CKAP4: variants seen among roughly 807,000 people sequenced by gnomAD.
The protein encoded by CKAP4 is cytoskeleton-associated protein 4.
In CKAP4, 20 loss-of-function variants were observed where a neutral mutation model predicts 24.4. The ratio of observed to expected loss-of-function variants is 0.82; its 90% CI spans 0.58 to 1.19. The LOEUF is 1.19. CKAP4 is among the 50% of genes most tolerant of loss of function. The pLI is 0.00. For synonymous variants in CKAP4, 378 were observed against 351.7 expected (o/e 1.07, Z -0.84); for missense variants, 744 against 765.3 (o/e 0.97, Z 0.33).
Position 106,247,024 on chromosome 12 carries a change from T to C in CKAP4, c.483+345A>G, listed in dbSNP as rs978743465. 1.3e-5 allele frequency: 3 copies of C among 223,354 alleles called. No individual in the cohort carries two copies. The highest frequency in any genetic ancestry group is 6.8e-5 in the African/African-American group (3 of 44,010). The allele number at this position is 223,354 out of a possible 1,614,324, so 13.8% of individuals were successfully genotyped here. On this transcript the variant is annotated intron_variant, in intron 1 of 1. Transcript: ENST00000378026. This position sits in a 1 kb window ranked among gnomAD's most constrained non-coding sequence, Gnocchi z 4.5. ...TCAGCGGTTCCTAATGCAGAAAGAATGGGCTCCCCGGAGCCTGCCGGCTTC... is the reference window on the plus strand; with the variant it reads ...TCAGCGGTTCCTAATGCAGAAAGAACGGGCTCCCCGGAGCCTGCCGGCTTC...
chr12:106,243,589 C>A (rs1376574768), intron 1 of CKAP4, among the ~76,000 whole-genome samples: 1 of 152,238 alleles, frequency 6.6e-6, no homozygotes, highest in Non-Finnish European at 1.5e-5. Context: ...CAGGGCAACA[C>A]AGGCTCTTCA....
chr12:106,240,302 T>G lies in CKAP4; in HGVS notation c.531A>C (p.Arg177Ser), dbSNP rs985592361. The change falls in exon 2 of 2, where the codon AGA becomes AGC. Residue 177 changes from arginine to serine, a missense_variant. This residue lies in a region of CKAP4 where 300 missense variants were observed against 264.5 expected (regional missense o/e 1.13). Transcript: ENST00000378026. The stretch of plus-strand genomic sequence containing the variant: ...TGAGGTCTTGTTTATGTTGGGAGCT[T>G]CTCAAGATGGACTCAAAAGTTCCAA... ...ATFGTFESIL[R>S]SSQHKQDLTE... 1 of 1,614,072 alleles carries G rather than the reference T, an allele frequency of 6.2e-7. No individual in the cohort carries two copies. The highest frequency in any genetic ancestry group is 8.5e-7 in the Non-Finnish European group (1 of 1,179,960).
rs1200403206 is a variant in CKAP4 at position 106,239,715 on chromosome 12, A to G, written c.1118T>C (p.Leu373Pro). The stretch of plus-strand genomic sequence containing the variant: ...CTTCAGCTGGCGGAGCTCTTCCTCC[A>G]GTCTCCGGATCTCCTCCGGGAGGCG... ...VSRLPEEIRR[L>P]EEELRQLKSD... The change falls in exon 2 of 2, where the codon CTG becomes CCG. Residue 373 changes from leucine to proline, a missense_variant. By Grantham distance (98) the Leu-to-Pro change is moderately conservative. This residue lies in a region of CKAP4 where 401 missense variants were observed against 424.5 expected (regional missense o/e 0.94). Transcript: ENST00000378026. This position sits in a 1 kb window ranked among gnomAD's most constrained non-coding sequence, Gnocchi z 4.9. 6.2e-7 allele frequency: 1 copy of G among 1,613,986 alleles called. No individual in the cohort carries two copies. Among genetic ancestry groups the G allele is most frequent in the African/African-American group, 1.3e-5 (1 of 75,034 alleles).
chr12:106,247,074 GTGACAGGCCCTTGGCCCACCCTGCC>G lies in CKAP4; in HGVS notation c.483+270_483+294del, dbSNP rs1295523319. 2.8e-6 allele frequency: 1 copy of G among 357,820 alleles called. No homozygotes were observed. Among genetic ancestry groups the G allele is most frequent in the African/African-American group, 2.1e-5 (1 of 46,798 alleles). 22.2% of individuals were successfully genotyped at this position (357,820 alleles called of 1,614,324 possible). On this transcript the variant is annotated intron_variant, in intron 1 of 1. Transcript: ENST00000378026. The surrounding 1 kb of genome is among the most constrained non-coding windows in gnomAD (Gnocchi z 4.5). Reference sequence around the variant, plus strand: ...CCTTACAGGTCACCGCTAATGCCCTGTGACAGGCCCTTGGCCCACCCTGCCAGGCGGGCCTGGGCATCCTCGCGGC... The same window carrying G: ...CCTTACAGGTCACCGCTAATGCCCTGAGGCGGGCCTGGGCATCCTCGCGGC...
intron 1 of CKAP4, among the ~76,000 whole-genome samples, chr12:106,241,239 GAGT>G (rs2136534875): frequency 6.6e-6 from 1 of 152,214 alleles, no homozygotes; most frequent in Non-Finnish European, 1.5e-5. Flanking sequence ...ACAGGGAAAG[GAGT>G]ACAAAGGGAA....
At chr12:106,245,886 C>T (rs2034005674) in intron 1 of CKAP4, among the ~76,000 whole-genome samples, 2 of 152,042 alleles carry the variant, frequency 1.3e-5, no homozygotes, top group Non-Finnish European at 2.9e-5. Flanking sequence ...TGAGCCACCA[C>T]GCCCGGCCGT....
chr12:106,239,270 G>A lies in CKAP4; in HGVS notation c.1563C>T (p.Ala521=), dbSNP rs114007031. 1.6e-3 allele frequency: 2,583 copies of A among 1,613,264 alleles called. 33 individuals carry two copies. In the African/African-American group the frequency reaches 0.028, roughly 18 times the overall value. ...GGAAGTCCTGAGGAGGCAGACGGGC[G>A]GCCTGGGCTTGGTCCTGACTGAGCA... The part of the protein sequence containing the change: ...HTLLSQDQAQ[A]ARLPPQDFLD... The change falls in exon 2 of 2, where the codon GCC becomes GCT. Residue 521 remains alanine (A), a synonymous_variant. Transcript: ENST00000378026. This position sits in a 1 kb window ranked among gnomAD's most constrained non-coding sequence, Gnocchi z 4.9.
In CKAP4 at chr12:106,247,284, G is replaced by A. The variant is rs1555229947; in HGVS notation, c.483+85C>T. The A allele has an allele frequency of 3.2e-6, 4 of 1,269,056 alleles. No individual in the cohort carries two copies. Among genetic ancestry groups the A allele is most frequent in the South Asian group, 2.9e-5 (2 of 68,406 alleles). 78.6% of individuals were successfully genotyped at this position (1,269,056 alleles called of 1,614,324 possible). A position where few individuals can be genotyped will look rare whatever the true frequency, so the allele number is the denominator to read the frequency against. Reference sequence around the variant, plus strand: ...CCGGGCCTGGGCAGGCAGCGCTAGGGGCCGGTCGGGAAGCACGAAGGAGCC... The same window carrying A: ...CCGGGCCTGGGCAGGCAGCGCTAGGAGCCGGTCGGGAAGCACGAAGGAGCC... On this transcript the variant is annotated intron_variant, in intron 1 of 1. Transcript: ENST00000378026. The surrounding 1 kb of genome is among the most constrained non-coding windows in gnomAD (Gnocchi z 4.5).
In CKAP4 at chr12:106,247,780, G is replaced by T. The variant is rs2034031353; in HGVS notation, c.72C>A (p.His24Gln). 1 of 1,058,480 alleles carries T rather than the reference G, an allele frequency of 9.4e-7. No homozygotes were observed. Among genetic ancestry groups the T allele is most frequent in the Non-Finnish European group, 1.1e-6 (1 of 881,980 alleles). 65.6% of individuals were successfully genotyped at this position (1,058,480 alleles called of 1,614,324 possible). Residue 24 changes from histidine (H) to glutamine (Q), a missense_variant, in exon 1 of 2, where the codon CAC (histidine) becomes CAA (glutamine). By Grantham distance (24) the His-to-Gln change is conservative. This residue lies in a region of CKAP4 where 300 missense variants were observed against 264.5 expected (regional missense o/e 1.13). Transcript: ENST00000378026. The surrounding 1 kb of genome is among the most constrained non-coding windows in gnomAD (Gnocchi z 4.5). The part of the protein sequence containing the change: ...GAASPSEKGA[H>Q]PSGGADDVAK... ...CCACGTCATCCGCGCCGCCCGACGG[G>T]TGGGCACCCTTCTCCGAGGGGCTCG...
chr12:106,247,121 C>T lies in CKAP4; in HGVS notation c.483+248G>A, dbSNP rs1252775503. 1.3e-5 allele frequency among the ~76,000 whole-genome samples: 2 copies of T among 152,176 alleles called. No individual in the cohort carries two copies. The highest frequency in any genetic ancestry group is 4.8e-5 in the African/African-American group (2 of 41,450). On this transcript the variant is annotated intron_variant, in intron 1 of 1. Transcript: ENST00000378026. The surrounding 1 kb of genome is among the most constrained non-coding windows in gnomAD (Gnocchi z 4.5). ...TGCCAGGCGGGCCTGGGCATCCTCGCGGCGGCCCATCCCTCGGGGCCGATT... is the reference window on the plus strand; with the variant it reads ...TGCCAGGCGGGCCTGGGCATCCTCGTGGCGGCCCATCCCTCGGGGCCGATT...
In CKAP4 at chr12:106,247,585, A is replaced by C; in HGVS notation, c.267T>G (p.Ala89=). 7.5e-7 allele frequency: 1 copy of C among 1,337,406 alleles called. No homozygotes were observed. The highest frequency in any genetic ancestry group is 9.6e-7 in the Non-Finnish European group (1 of 1,037,564). The allele number at this position is 1,337,406 out of a possible 1,614,324, so 82.8% of individuals were successfully genotyped here. A position where few individuals can be genotyped will look rare whatever the true frequency, so the allele number is the denominator to read the frequency against. ...SSSSSSASAA[A]AAAAASSSAS... is the part of the protein sequence containing the mutation. ...CCGAGGACGAGGCGGCGGCGGCGGCAGCGGCGGCGGAGGCGGAGGAGGAGG... is the reference window on the plus strand; with the variant it reads ...CCGAGGACGAGGCGGCGGCGGCGGCCGCGGCGGCGGAGGCGGAGGAGGAGG... The change falls in exon 1 of 2, where the codon GCT becomes GCG. Residue 89 remains alanine, a synonymous_variant. Coordinates refer to ENST00000378026, the MANE Select transcript of CKAP4 (RefSeq NM_006825.4). This position sits in a 1 kb window ranked among gnomAD's most constrained non-coding sequence, Gnocchi z 4.5.
At chr12:106,241,612 C>T (rs532685604) in intron 1 of CKAP4, among the ~76,000 whole-genome samples, 8 of 152,280 alleles carry the variant, frequency 5.3e-5, no homozygotes, top group African/African-American at 9.6e-5. Context: ...GGATTACAGG[C>T]GTGAGCCACC....
Position 106,247,768 on chromosome 12 carries a change from G to A in CKAP4, c.84C>T (p.Gly28=). The A allele has an allele frequency of 9.5e-7, 1 of 1,055,226 alleles. No individual in the cohort carries two copies. The highest frequency in any genetic ancestry group is 1.1e-6 in the Non-Finnish European group (1 of 880,376). The allele number at this position is 1,055,226 out of a possible 1,614,324, so 65.4% of individuals were successfully genotyped here. A position where few individuals can be genotyped will look rare whatever the true frequency, so the allele number is the denominator to read the frequency against. ...PSEKGAHPSG[G]ADDVAKKPPP... is the part of the protein sequence containing the mutation. The stretch of plus-strand genomic sequence containing the variant: ...GCGGCTTCTTCGCCACGTCATCCGC[G>A]CCGCCCGACGGGTGGGCACCCTTCT... The change falls in exon 1 of 2, where the codon GGC becomes GGT. Residue 28 remains glycine (G), a synonymous_variant. Transcript: ENST00000378026. The surrounding 1 kb of genome is among the most constrained non-coding windows in gnomAD (Gnocchi z 4.5).
Position 106,247,351 on chromosome 12 carries a change from G to C in CKAP4, c.483+18C>G. ...GGCCGCAGTCGATGGGGACAGTTGC[G>C]GGGCCGGGGGTACCCACCTTCTGCT... On this transcript the variant is annotated intron_variant, in intron 1 of 1. Coordinates refer to ENST00000378026, the MANE Select transcript of CKAP4 (RefSeq NM_006825.4). The surrounding 1 kb of genome is among the most constrained non-coding windows in gnomAD (Gnocchi z 4.5). 6.6e-7 allele frequency: 1 copy of C among 1,517,370 alleles called. No homozygotes were observed. Among genetic ancestry groups the C allele is most frequent in the Non-Finnish European group, 8.8e-7 (1 of 1,136,768 alleles). The allele number at this position is 1,517,370 out of a possible 1,614,324, so 94.0% of individuals were successfully genotyped here.
At position 106,239,100 on chromosome 12, in the gene CKAP4, T is replaced by C. The variant is rs1161648529; in HGVS notation, c.1733A>G (p.Lys578Arg). The C allele has an allele frequency of 8.1e-6, 13 of 1,614,108 alleles. No homozygotes were observed. The highest frequency in any genetic ancestry group is 1.1e-5 in the Non-Finnish European group (13 of 1,180,036). The change falls in exon 2 of 2, where the codon AAG becomes AGG. Residue 578 changes from lysine (K) to arginine (R), a missense_variant. Lys to Arg is a conservative substitution (Grantham distance 26). This residue lies in a region of CKAP4 where 401 missense variants were observed against 424.5 expected (regional missense o/e 0.94). Coordinates refer to ENST00000378026, the MANE Select transcript of CKAP4 (RefSeq NM_006825.4). The surrounding 1 kb of genome is among the most constrained non-coding windows in gnomAD (Gnocchi z 4.9). ...ETNENNLESA[K>R]GLLDDLRNDL... ...ATTCCTCAGGTCATCTAGTAAACCC[T>C]TGGCTGATTCCAGATTGTTCTCGTT...
chr12:106,239,099 C>T lies in CKAP4; in HGVS notation c.1734G>A (p.Lys578=), dbSNP rs780547835. The T allele has an allele frequency of 3.1e-6, 5 of 1,614,050 alleles. No homozygotes were observed. The highest frequency in any genetic ancestry group is 2.7e-5 in the African/African-American group (2 of 75,060). Residue 578 remains lysine, a synonymous_variant, in exon 2 of 2, where the codon AAG becomes AAA. Transcript: ENST00000378026. This position sits in a 1 kb window ranked among gnomAD's most constrained non-coding sequence, Gnocchi z 4.9. ...CATTCCTCAGGTCATCTAGTAAACC[C>T]TTGGCTGATTCCAGATTGTTCTCGT... ...ETNENNLESA[K]GLLDDLRNDL... is the part of the protein sequence containing the mutation.
intron 1 of CKAP4, chr12:106,245,743 T>G (rs574074086): frequency 6.6e-6 from 1 of 152,442 alleles, no homozygotes; most frequent in South Asian, 2.1e-4. Flanking sequence ...TACAGGCATG[T>G]GCCACCACAC....
In CKAP4 at chr12:106,247,637, C is replaced by T; in HGVS notation, c.215G>A (p.Gly72Asp). Reference sequence around the variant, plus strand: ...GGAGGACTTGCCGCCGCCGCCGCCGCCGCCGCGGTGGCCGCCCTTGCCGTG... The same window carrying T: ...GGAGGACTTGCCGCCGCCGCCGCCGTCGCCGCGGTGGCCGCCCTTGCCGTG... The part of the protein sequence containing the change: ...QAHGKGGHRG[G>D]GGGGGKSSSS... Residue 72 changes from glycine (G) to aspartate (D), a missense_variant, in exon 1 of 2, where the codon GGC becomes GAC. Around this residue, in one of 3 missense-constraint regions of CKAP4, gnomAD observed 300 missense variants for 264.5 expected, o/e 1.13. Transcript: ENST00000378026. This position sits in a 1 kb window ranked among gnomAD's most constrained non-coding sequence, Gnocchi z 4.5. 9.3e-7 allele frequency: 1 copy of T among 1,072,306 alleles called. No individual in the cohort carries two copies. Among genetic ancestry groups the T allele is most frequent in the Non-Finnish European group, 1.2e-6 (1 of 850,582 alleles). The allele number at this position is 1,072,306 out of a possible 1,614,324, so 66.4% of individuals were successfully genotyped here. A position where few individuals can be genotyped will look rare whatever the true frequency, so the allele number is the denominator to read the frequency against.
Position 106,238,956 on chromosome 12 carries a change from A to G in CKAP4, c.*68T>C. ...AATTGGGGGGTAGGGGACACATGGGAAAAAACCACACATTTTTTGGTCATG... is the reference window on the plus strand; with the variant it reads ...AATTGGGGGGTAGGGGACACATGGGGAAAAACCACACATTTTTTGGTCATG... On this transcript the variant is annotated 3_prime_UTR_variant, in exon 2 of 2. Transcript: ENST00000378026. 2 of 1,562,012 alleles carry G rather than the reference A, an allele frequency of 1.3e-6. No individual in the cohort carries two copies. The highest frequency in any genetic ancestry group is 1.7e-6 in the Non-Finnish European group (2 of 1,149,744).
Sources: allele counts gnomAD v4.1 joint callset (sites outside exome capture counted in the v4.1 genomes callset), GRCh38; gene constraint gnomAD v4.1.1; regional missense constraint gnomAD v4.1.1; non-coding constraint Gnocchi (gnomAD v3.1); transcripts MANE v1.5; gene names NCBI Gene and HGNC (gene_info 2026-07-23, HGNC 2026-07-21).